ANK2: variants seen among roughly 807,000 people sequenced by gnomAD.
The protein encoded by ANK2 is ankyrin-2.
A neutral mutation model predicts 360.5 loss-of-function variants in ANK2; 83 were observed. The observed-to-expected ratio is 0.23, with a 90% CI of 0.19 to 0.28. ANK2 has a LOEUF of 0.28. Ranked by LOEUF, ANK2 falls within the 10% of genes least tolerant of loss-of-function variation. The pLI is 1.00. For missense variants in ANK2, 4,201 were observed against 4,795.7 expected, an observed-to-expected ratio of 0.88 and a Z score of 3.66; for synonymous variants, 1,740 against 1,759.5, an observed-to-expected ratio of 0.99 and a Z score of 0.28.
At chr4:113,011,860 T>G (rs1312737762) in intron 2 of ANK2, among the ~76,000 whole-genome samples, 2 of 152,124 alleles carry the variant, frequency 1.3e-5, no homozygotes, top group Non-Finnish European at 2.9e-5. Flanking sequence ...TCAATTGTTA[T>G]GTAAGGGTTG....
chr4:112,895,365 C>G (rs1022965608), intron 1 of ANK2, among the ~76,000 whole-genome samples: 4 of 152,134 alleles, frequency 2.6e-5, no homozygotes, highest in Non-Finnish European at 4.4e-5. Flanking sequence ...CTTGGGTAGG[C>G]AAGCCTATTT....
At chr4:113,293,741 T>G (rs975776307) in intron 22 of ANK2, among the ~76,000 whole-genome samples, 4 of 152,268 alleles carry the variant, frequency 2.6e-5, no homozygotes, top group African/African-American at 9.6e-5. Context: ...CTTCCTTTAC[T>G]CAGCATCTAT....
intron 2 of ANK2, among the ~76,000 whole-genome samples, chr4:113,190,424 A>C (rs1290486644): frequency 6.6e-6 from 1 of 151,874 alleles, no homozygotes; most frequent in Non-Finnish European, 1.5e-5. Flanking sequence ...TTCACTTTTA[A>C]ATGCTGAGCT....
At chr4:113,225,809 C>T (rs1053793073) in intron 4 of ANK2, among the ~76,000 whole-genome samples, 4 of 152,092 alleles carry the variant, frequency 2.6e-5, no homozygotes, top group Non-Finnish European at 4.4e-5. Context: ...TCAAGATAAT[C>T]CAATTACCAA....
At chr4:113,077,509 T>A (rs2080592818) in intron 1 of ANK2, among the ~76,000 whole-genome samples, 1 of 152,222 alleles carries the variant, frequency 6.6e-6, no homozygotes, top group Non-Finnish European at 1.5e-5. Flanking sequence ...TAAGAACAGG[T>A]GGATGGACTA....
intron 1 of ANK2, among the ~76,000 whole-genome samples, chr4:112,877,792 C>T (rs943454388): frequency 2.0e-5 from 3 of 152,166 alleles, no homozygotes; most frequent in Admixed American, 2.0e-4. Context: ...CTGCAATTTA[C>T]CTTTTACCTC....
intron 1 of ANK2, among the ~76,000 whole-genome samples, chr4:113,102,711 T>G (rs2093060635): frequency 6.6e-6 from 1 of 152,184 alleles, no homozygotes. Context: ...ATCTGAGGAC[T>G]GTCAAATCTC....
intron 24 of ANK2, among the ~76,000 whole-genome samples, chr4:113,311,698 C>G (rs1465153239): frequency 6.6e-6 from 1 of 152,088 alleles, no homozygotes; most frequent in African/African-American, 2.4e-5. Flanking sequence ...CATCACTGGC[C>G]ACTTTTTCCT....
At chr4:112,885,222 C>A (rs546942368) in intron 1 of ANK2, among the ~76,000 whole-genome samples, 3 of 152,116 alleles carry the variant, frequency 2.0e-5, no homozygotes, top group Non-Finnish European at 4.4e-5. Flanking sequence ...TAAGCAGGGC[C>A]GGGCGTGGTG....
rs551896969 is a variant in ANK2 at position 113,334,352 on chromosome 4, C to T, written c.3379+1144C>T. ...TCCCTACAATATTTAGCTGCTTCTACTTCTTGGAACCATTCCTTTTGCTGA... is the reference window on the plus strand; with the variant it reads ...TCCCTACAATATTTAGCTGCTTCTATTTCTTGGAACCATTCCTTTTGCTGA... On this transcript the variant is annotated intron_variant, in intron 29 of 45. Transcript: ENST00000357077. 2.9e-4 allele frequency among the ~76,000 whole-genome samples: 44 copies of T among 152,218 alleles called. 1 individual carries two copies. In the South Asian group the frequency reaches 8.3e-3, roughly 29 times the overall value.
In ANK2 at chr4:113,255,810, G is replaced by C; in HGVS notation, c.1066G>C (p.Ala356Pro). 6.2e-7 allele frequency: 1 copy of C among 1,614,190 alleles called. No homozygotes were observed. Among genetic ancestry groups the C allele is most frequent in the Non-Finnish European group, 8.5e-7 (1 of 1,180,032 alleles). ...ECVKHLLQHK[A>P]PVDDVTLDYL... ...TGTGAAGCACCTGTTACAGCACAAG[G>C]CACCTGTTGATGATGTCACCCTAGA... The change falls in exon 11 of 46, where the codon GCA (alanine) becomes CCA (proline). Residue 356 changes from alanine (A) to proline (P), a missense_variant. Ala to Pro is a conservative substitution (Grantham distance 27). Transcript: ENST00000357077.
At chr4:112,997,648 A>G (rs1354678) in intron 2 of ANK2, among the ~76,000 whole-genome samples, 5,758 of 152,046 alleles carry the variant, frequency 0.038, 367 homozygotes, top group African/African-American at 0.13. Flanking sequence ...TGTGTGCACA[A>G]ATATTTTGGT....
At chr4:112,957,668 A>T (rs1231433394) in intron 2 of ANK2, among the ~76,000 whole-genome samples, 4 of 146,766 alleles carry the variant, frequency 2.7e-5, no homozygotes, top group Non-Finnish European at 4.5e-5. Context: ...TCCCTCCCGG[A>T]CGGGGCGGCT....
chr4:113,203,256 CT>C (rs1251302626), intron 4 of ANK2, among the ~76,000 whole-genome samples: 1 of 152,114 alleles, frequency 6.6e-6, no homozygotes, highest in African/African-American at 2.4e-5. Context: ...ACCTGTAAGT[CT>C]GTTAGACTCA....
intron 32 of ANK2, among the ~76,000 whole-genome samples, chr4:113,339,970 A>C (rs564880184): frequency 6.6e-6 from 1 of 152,338 alleles, no homozygotes; most frequent in South Asian, 2.1e-4. Context: ...AGTTGAGAGT[A>C]ATTAAAACGT....
At chr4:113,154,242 A>G (rs1297713058) in intron 1 of ANK2, among the ~76,000 whole-genome samples, 3 of 152,238 alleles carry the variant, frequency 2.0e-5, no homozygotes, top group East Asian at 1.9e-4. Flanking sequence ...TTTAAGTTTC[A>G]CTTCCAAAAA....
rs562115547 is a variant in ANK2 at position 113,356,014 on chromosome 4, C to T, written c.7396C>T (p.Arg2466Cys). 5.5e-5 allele frequency: 89 copies of T among 1,614,106 alleles called. No homozygotes were observed. The highest frequency in any genetic ancestry group is 1.7e-4 in the Middle Eastern group (1 of 6,058). The stretch of plus-strand genomic sequence containing the variant: ...AAGTCCTCTGAAAGAATCCCCTTGC[C>T]GTGACTCTCTGGAAAGCAGCCCTGT... ...EPSPLKESPCRDSLESSPVEP... is the reference protein window; with the variant it reads ...EPSPLKESPCCDSLESSPVEP... Residue 2466 changes from arginine to cysteine, a missense_variant, in exon 38 of 46, where the codon CGT becomes TGT. Coordinates refer to ENST00000357077, the MANE Select transcript of ANK2 (RefSeq NM_001148.6).
intron 36 of ANK2, among the ~76,000 whole-genome samples, chr4:113,349,778 T>C (rs1228580727): frequency 2.6e-5 from 4 of 152,186 alleles, no homozygotes; most frequent in Non-Finnish European, 4.4e-5. Flanking sequence ...CCAGTTCATA[T>C]TCTTTTCAGG....
intron 1 of ANK2, chr4:112,826,645 G>C: frequency 1.8e-6 from 2 of 1,081,458 alleles, no homozygotes; most frequent in Non-Finnish European, 2.7e-6. Flanking sequence ...AGTGAAAAAC[G>C]GGTGACCACA....
Sources: allele counts gnomAD v4.1 joint callset (sites outside exome capture counted in the v4.1 genomes callset), GRCh38; gene constraint gnomAD v4.1.1; transcripts MANE v1.5; gene names NCBI Gene and HGNC (gene_info 2026-07-23, HGNC 2026-07-21).